MYO18B: variants seen among roughly 807,000 people sequenced by gnomAD.
MYO18B encodes the protein unconventional myosin-XVIIIb.
MYO18B carries 204 observed loss-of-function variants against 273.0 expected under a neutral mutation model. That is an observed-to-expected ratio of 0.75 (90% CI 0.67 to 0.84). MYO18B has a LOEUF of 0.84. Among genes scored for constraint, MYO18B ranks in the 40% least tolerant of loss-of-function variants. The pLI is 0.00. For synonymous variants in MYO18B, 1,330 were observed against 1,305.7 expected (o/e 1.02, Z -0.40); for missense variants, 3,212 against 3,287.6 (o/e 0.98, Z 0.56).
chr22:25,949,384 C>G (rs940022325), intron 36 of MYO18B, among the ~76,000 whole-genome samples: 3 of 152,100 alleles, frequency 2.0e-5, no homozygotes, highest in Non-Finnish European at 4.4e-5. Context: ...GGGAGATGAT[C>G]GGGAGCCATG....
chr22:25,927,561 C>T (rs929926836), intron 34 of MYO18B, among the ~76,000 whole-genome samples: 14 of 152,150 alleles, frequency 9.2e-5, no homozygotes, highest in East Asian at 7.7e-4. Context: ...ATTTTAATTT[C>T]GCCTCGGTCC....
At chr22:25,903,575 G>A (rs2091980501) in intron 30 of MYO18B, 56 bp from the exon 31 acceptor site, 1 of 1,524,756 alleles carries the variant, frequency 6.6e-7, no homozygotes, top group Non-Finnish European at 8.9e-7. Context: ...TATCCCTGGG[G>A]GAGGAGGGAG....
chr22:26,022,813 G>A (rs577160325), intron 42 of MYO18B, among the ~76,000 whole-genome samples: 1 of 152,332 alleles, frequency 6.6e-6, no homozygotes, highest in Admixed American at 6.5e-5. Flanking sequence ...TGGCTTCCAT[G>A]CCTTGTAGAA....
intron 5 of MYO18B, among the ~76,000 whole-genome samples, chr22:25,770,579 A>G (rs1225536538): frequency 6.6e-6 from 1 of 152,088 alleles, no homozygotes; most frequent in African/African-American, 2.4e-5. Context: ...GGGAAATGGC[A>G]GTCTGTGTGT....
chr22:25,963,661 C>T lies in MYO18B; in HGVS notation c.6156+8297C>T, dbSNP rs145546612. On this transcript the variant is annotated intron_variant, in intron 39 of 43. Coordinates refer to ENST00000335473, the MANE Select transcript of MYO18B (RefSeq NM_032608.7). ...GGGGGACGCTATTTAACCCACTATA[C>T]GGTGGTTGAAAAGAGCATTGCGCTT... Among the ~76,000 whole-genome samples the T allele has an allele frequency of 2.6e-3, 400 of 151,116 alleles. 1 individual carries two copies. The highest frequency in any genetic ancestry group is 9.2e-3 in the African/African-American group (378 of 40,996).
chr22:25,987,438 A>G (rs955458952), intron 39 of MYO18B, among the ~76,000 whole-genome samples: 1 of 152,128 alleles, frequency 6.6e-6, no homozygotes. Context: ...TACATTCTAC[A>G]TATTATTGTA....
the MYO18B span, among the ~76,000 whole-genome samples, chr22:26,061,768 G>A: frequency 6.6e-6 from 1 of 151,232 alleles, no homozygotes; most frequent in African/African-American, 2.4e-5. Context: ...CCCAACTCCA[G>A]CCTAGAATAA....
intron 42 of MYO18B, among the ~76,000 whole-genome samples, chr22:26,018,670 T>C (rs1382801918): frequency 1.3e-5 from 2 of 152,216 alleles, no homozygotes; most frequent in African/African-American, 2.4e-5. Flanking sequence ...AGGCTGTGCA[T>C]GGCCAGGCGT....
intron 3 of MYO18B, 90 bp downstream of exon 3, chr22:25,763,479 C>T: frequency 1.4e-6 from 2 of 1,433,812 alleles, no homozygotes; most frequent in South Asian, 2.6e-5. Flanking sequence ...GTCATCCTGC[C>T]TTTGCTCCTG....
intron 40 of MYO18B, among the ~76,000 whole-genome samples, chr22:25,994,540 T>G (rs1052557910): frequency 6.7e-6 from 1 of 149,632 alleles, no homozygotes; most frequent in African/African-American, 2.5e-5. Flanking sequence ...TTAAAAAAAA[T>G]TATTCAATTT....
chr22:25,922,923 A>G (rs1195995772), intron 34 of MYO18B, among the ~76,000 whole-genome samples: 3 of 152,170 alleles, frequency 2.0e-5, no homozygotes. Flanking sequence ...CTAAATTTAG[A>G]CTTGATTTGA....
intron 40 of MYO18B, among the ~76,000 whole-genome samples, chr22:25,997,932 A>AACACACACACACACACAC (rs3070628): frequency 7.7e-4 from 111 of 144,746 alleles, no homozygotes; most frequent in South Asian, 1.3e-3. Context: ...CCAGGAGAGA[A>AACACACACACACACACAC]ACACACACAC....
At chr22:25,839,471 G>C (rs1291061309) in intron 17 of MYO18B, among the ~76,000 whole-genome samples, 1 of 152,174 alleles carries the variant, frequency 6.6e-6, no homozygotes, top group Non-Finnish European at 1.5e-5. Context: ...GCTGGGGAAG[G>C]AGAATGAATG....
At chr22:26,010,037 G>A (rs1401052239) in intron 42 of MYO18B, among the ~76,000 whole-genome samples, 1 of 152,164 alleles carries the variant, frequency 6.6e-6, no homozygotes, top group African/African-American at 2.4e-5. Flanking sequence ...GGATCATTGA[G>A]TGGTTCTGTT....
chr22:26,056,992 C>T, the MYO18B span, among the ~76,000 whole-genome samples: 1 of 152,130 alleles, frequency 6.6e-6, no homozygotes, highest in African/African-American at 2.4e-5. Flanking sequence ...ATGGCTTCAC[C>T]TCCCATCAGG....
At position 25,768,255 on chromosome 22, in the gene MYO18B, C is replaced by T. The variant is rs778844679; in HGVS notation, c.339C>T (p.Arg113=). ...DILGKESEGS[R]SPDPEQMTSI... is the part of the protein sequence containing the mutation. ...TGGGCAAGGAGAGCGAGGGGTCCCG[C>T]AGCCCCGACCCTGAGCAGATGACAA... Residue 113 remains arginine (R), a synonymous_variant, in exon 4 of 44, where the codon CGC becomes CGT. Transcript: ENST00000335473. 5 of 1,613,912 alleles carry T rather than the reference C, an allele frequency of 3.1e-6. No homozygotes were observed. In the East Asian group the frequency reaches 6.7e-5, roughly 22 times the overall value.
chr22:25,864,381 G>A (rs2090827771), intron 21 of MYO18B, among the ~76,000 whole-genome samples: 1 of 152,150 alleles, frequency 6.6e-6, no homozygotes, highest in Admixed American at 6.5e-5. Context: ...GATTTATTAA[G>A]CTCCTTCCTC....
intron 34 of MYO18B, among the ~76,000 whole-genome samples, chr22:25,927,414 GTCTCCCATAGC>G (rs2092436749): frequency 1.3e-5 from 2 of 152,246 alleles, no homozygotes; most frequent in Non-Finnish European, 2.9e-5. Flanking sequence ...AGAGACTCCA[GTCTCCCATAGC>G]TCTCCCAGGC....
At chr22:25,936,363 A>T (rs2092578151) in intron 34 of MYO18B, among the ~76,000 whole-genome samples, 1 of 152,146 alleles carries the variant, frequency 6.6e-6, no homozygotes, top group Admixed American at 6.5e-5. Flanking sequence ...AGGACTCTTG[A>T]ACCCTCAAAG....
Sources: allele counts gnomAD v4.1 joint callset (sites outside exome capture counted in the v4.1 genomes callset), GRCh38; gene constraint gnomAD v4.1.1; transcripts MANE v1.5; gene names NCBI Gene and HGNC (gene_info 2026-07-23, HGNC 2026-07-21).